PAGE4: variants seen among roughly 807,000 people sequenced by gnomAD.
PAGE4 encodes P antigen family member 4.
Under a neutral mutation model 8.5 loss-of-function variants are expected in PAGE4, and 1 was observed. The ratio of observed to expected loss-of-function variants is 0.12; its 90% CI spans 0.04 to 0.56. PAGE4 has a LOEUF of 0.56. Ranked by LOEUF, PAGE4 falls within the 20% of genes least tolerant of loss-of-function variation. The pLI, the probability that PAGE4 is intolerant of heterozygous loss-of-function variation, is 0.91. For synonymous variants in PAGE4, 26 were observed against 26.3 expected (o/e 0.99, Z 0.04); for missense variants, 93 against 82.7 (o/e 1.13, Z -0.49).
chrX:49,832,923 CA>C (rs1557156784), intron 4 of PAGE4, among the ~76,000 whole-genome samples: 1 of 111,556 alleles, frequency 9.0e-6, no homozygotes. Context: ...TAACATACCC[CA>C]GGGGCAATTG....
Position 49,833,954 on chromosome X carries a change from A to C in PAGE4, c.*92A>C, listed in dbSNP as rs1557156903. ...TTGAAAATTCTCTCAATAAAGTTTG[A>C]GTTTTCTCTGAAGAAGTCATGCGTG... On this transcript the variant is annotated 3_prime_UTR_variant, in exon 5 of 5. Transcript: ENST00000218068. 1 of 653,161 alleles carries C rather than the reference A, an allele frequency of 1.5e-6. No homozygotes were observed. The highest frequency in any genetic ancestry group is 2.2e-5 in the African/African-American group (1 of 45,250). 53.8% of individuals were successfully genotyped at this position (653,161 alleles called of 1,213,427 possible).
chrX:49,832,952 T>C (rs781888814), intron 4 of PAGE4, among the ~76,000 whole-genome samples: 16 of 112,093 alleles, frequency 1.4e-4, no homozygotes, highest in Admixed American at 5.7e-4. Context: ...AAATGACACA[T>C]AGTGTTCCTT....
At position 49,830,829 on chromosome X, in the gene PAGE4, T is replaced by C; in HGVS notation, c.79-168T>C. 4 of 458,790 alleles carry C rather than the reference T, an allele frequency of 8.7e-6. No homozygotes were observed. In the Admixed American group the frequency reaches 1.7e-4, roughly 19 times the overall value. 37.8% of individuals were successfully genotyped at this position (458,790 alleles called of 1,213,427 possible). ...GTAACTCCTTAAAGTATATTCTATA[T>C]AGGAAGAATAACTTTTCTTAAGAGT... is the stretch of plus-strand genomic sequence containing the variant. On this transcript the variant is annotated intron_variant, in intron 2 of 4. Transcript: ENST00000218068.
chrX:49,829,770 C>CT (rs1232510579), intron 1 of PAGE4: 3 of 112,274 alleles, frequency 2.7e-5, no homozygotes, highest in African/African-American at 9.7e-5. Flanking sequence ...TGTCGGGACT[C>CT]TTTCACCTGA....
chrX:49,833,829 T>C lies in PAGE4; in HGVS notation c.293-17T>C. 8.5e-7 allele frequency: 1 copy of C among 1,169,630 alleles called. No individual in the cohort carries two copies. Among genetic ancestry groups the C allele is most frequent in the East Asian group, 3.0e-5 (1 of 33,549 alleles). On this transcript the variant is annotated splice_polypyrimidine_tract_variant and intron_variant, in intron 4 of 4. Coordinates refer to ENST00000218068, the MANE Select transcript of PAGE4 (RefSeq NM_007003.4). ...TTCTGCTAAGTAATGAACTCAACTG[T>C]TATGTTTATATTTTAGGAGATGGGC...
Position 49,834,123 on chromosome X carries a change from G to A in PAGE4, c.*261G>A, listed in dbSNP as rs1300118924. On this transcript the variant is annotated 3_prime_UTR_variant, in exon 5 of 5. Transcript: ENST00000218068. ...CATTGCTAAACTTGCCTATTCTGTT[G>A]GTTTATCCCTACGTCCTTTTGGATT... 5 of 345,568 alleles carry A rather than the reference G, an allele frequency of 1.4e-5. No homozygotes were observed. Among genetic ancestry groups the A allele is most frequent in the African/African-American group, 7.8e-5 (3 of 38,481 alleles). 28.5% of individuals were successfully genotyped at this position (345,568 alleles called of 1,213,427 possible).
rs782431210 is a variant in PAGE4, at chrX:49,832,507, C to A, written c.167-18C>A. 8 of 1,095,508 alleles carry A rather than the reference C, an allele frequency of 7.3e-6. No individual in the cohort carries two copies. The South Asian group carries it at 1.0e-4, about 14-fold the overall frequency. The allele number at this position is 1,095,508 out of a possible 1,213,427, so 90.3% of individuals were successfully genotyped here. ...ATTTACTGCTTACTTATATCAATAA[C>A]TTTTTTATTTATATAAGAACGTAAA... On this transcript the variant is annotated intron_variant, in intron 3 of 4. Transcript: ENST00000218068.
chrX:49,832,589 T>C lies in PAGE4; in HGVS notation c.231T>C (p.Asp77=), dbSNP rs782141191. Residue 77 remains aspartate, a synonymous_variant, in exon 4 of 5, where the codon GAT becomes GAC. Transcript: ENST00000218068. ...DLEKTRSERG[D]GSDVKEKTPP... ...AAAAGACTCGGAGTGAGCGTGGAGATGGCTCTGATGTAAAAGAGAAGACTC... is the reference window on the plus strand; with the variant it reads ...AAAAGACTCGGAGTGAGCGTGGAGACGGCTCTGATGTAAAAGAGAAGACTC... 3.3e-6 allele frequency: 4 copies of C among 1,194,216 alleles called. No individual in the cohort carries two copies.
At chrX:49,830,367 G>C in intron 1 of PAGE4, 32 bp from the exon 2 acceptor site, 1 of 753,530 alleles carries the variant, frequency 1.3e-6, no homozygotes. Context: ...GCCATGGAAA[G>C]AGTCAAGTAT....
intron 4 of PAGE4, 136 bp from the exon 5 acceptor site, chrX:49,833,710 A>T (rs1557156852): frequency 4.5e-6 from 2 of 447,710 alleles, no homozygotes. Flanking sequence ...ATTAGCATAG[A>T]AGTCTATGCA....
Position 49,832,514 on chromosome X carries a change from A to G in PAGE4, c.167-11A>G, listed in dbSNP as rs1557156733. On this transcript the variant is annotated splice_polypyrimidine_tract_variant and intron_variant, in intron 3 of 4. Coordinates refer to ENST00000218068, the MANE Select transcript of PAGE4 (RefSeq NM_007003.4). The stretch of plus-strand genomic sequence containing the variant: ...GCTTACTTATATCAATAACTTTTTT[A>G]TTTATATAAGAACGTAAAGTAGAAG... 1 of 1,130,758 alleles carries G rather than the reference A, an allele frequency of 8.8e-7. No individual in the cohort carries two copies. Among genetic ancestry groups the G allele is most frequent in the Non-Finnish European group, 1.2e-6 (1 of 839,917 alleles). The allele number at this position is 1,130,758 out of a possible 1,213,427, so 93.2% of individuals were successfully genotyped here.
chrX:49,831,171 G>T (rs1032200497), intron 3 of PAGE4, 87 bp downstream of exon 3: 1 of 608,988 alleles, frequency 1.6e-6, no homozygotes, highest in Non-Finnish European at 2.6e-6. Flanking sequence ...CTAAAAATTG[G>T]CTGGAAACCT....
intron 2 of PAGE4, 42 bp downstream of exon 2, chrX:49,830,548 A>AT: frequency 1.1e-6 from 1 of 943,783 alleles, no homozygotes; most frequent in Non-Finnish European, 1.5e-6. Flanking sequence ...GCAGAAATGT[A>AT]TTTTTCTGAA....
At chrX:49,832,166 C>A (rs991772205) in intron 3 of PAGE4, among the ~76,000 whole-genome samples, 3 of 111,353 alleles carry the variant, frequency 2.7e-5, no homozygotes, top group African/African-American at 9.8e-5. Flanking sequence ...CTGGGGCTTG[C>A]TAGGTGCCGG....
At chrX:49,831,686 A>G (rs1301821101) in intron 3 of PAGE4, among the ~76,000 whole-genome samples, 1 of 111,897 alleles carries the variant, frequency 8.9e-6, no homozygotes, top group Non-Finnish European at 1.9e-5. Context: ...ACCTTGATTC[A>G]CTGATTGCTA....
chrX:49,833,563 G>C (rs1184544785), intron 4 of PAGE4, among the ~76,000 whole-genome samples: 2 of 112,079 alleles, frequency 1.8e-5, no homozygotes, highest in Non-Finnish European at 3.8e-5. Context: ...ATCAGTGGCT[G>C]TTTTTGCCCT....
Position 49,831,536 on chromosome X carries a change from A to G in PAGE4, c.166+452A>G, listed in dbSNP as rs149158185. Among the ~76,000 whole-genome samples the G allele has an allele frequency of 7.3e-3, 816 of 112,192 alleles. 8 individuals are homozygous for G. Among genetic ancestry groups the G allele is most frequent in the African/African-American group, 0.026 (793 of 30,971 alleles). On this transcript the variant is annotated intron_variant, in intron 3 of 4. Coordinates refer to ENST00000218068, the MANE Select transcript of PAGE4 (RefSeq NM_007003.4). ...ATAAAAATGTGAAATCCTTTTAGTTACCGTTAAAAGTCTTCAATACTTTTG... is the reference window on the plus strand; with the variant it reads ...ATAAAAATGTGAAATCCTTTTAGTTGCCGTTAAAAGTCTTCAATACTTTTG...
intron 3 of PAGE4, 34 bp downstream of exon 3, chrX:49,831,118 A>G (rs782087363): frequency 5.2e-6 from 5 of 965,850 alleles, no homozygotes; most frequent in Admixed American, 5.6e-5. Context: ...TTTGTGTTTC[A>G]TGTATGATTT....
intron 4 of PAGE4, among the ~76,000 whole-genome samples, chrX:49,833,184 C>A (rs1557156806): frequency 1.8e-5 from 2 of 111,489 alleles, no homozygotes; most frequent in African/African-American, 6.5e-5. Flanking sequence ...TTTTAACGTG[C>A]ATATCTGGCC....
Sources: allele counts gnomAD v4.1 joint callset (sites outside exome capture counted in the v4.1 genomes callset), GRCh38; gene constraint gnomAD v4.1.1; transcripts MANE v1.5; gene names NCBI Gene and HGNC (gene_info 2026-07-23, HGNC 2026-07-21).